Variants in TRDN observed in about 807,000 individuals in gnomAD.
TRDN encodes the protein triadin in skeletal muscle.
In TRDN, 161 loss-of-function variants were observed where a neutral mutation model predicts 149.7. The ratio of observed to expected loss-of-function variants is 1.08; its 90% CI spans 0.95 to 1.23. The LOEUF (loss-of-function observed/expected upper bound fraction) is 1.23, where lower values mean the gene tolerates loss of function less well. Ranked by LOEUF, TRDN falls within the 50% of genes most tolerant of loss-of-function variation. The pLI, the probability that TRDN is intolerant of heterozygous loss-of-function variation, is 0.00. For missense variants in TRDN, 896 were observed against 823.5 expected (o/e 1.09, Z -1.08); for synonymous variants, 294 against 250.5 (o/e 1.17, Z -1.64).
intron 12 of TRDN, among the ~76,000 whole-genome samples, chr6:123,433,360 C>G (rs1449252590): frequency 1.3e-5 from 2 of 151,838 alleles, no homozygotes; most frequent in Non-Finnish European, 2.9e-5. Flanking sequence ...TGCCCTTACT[C>G]AGAGTTGAAC....
chr6:123,267,826 G>A (rs1266869230), intron 31 of TRDN, 75 bp from the exon 32 acceptor site: 4 of 1,187,122 alleles, frequency 3.4e-6, no homozygotes, highest in South Asian at 3.3e-5. Context: ...ATATTTGCAA[G>A]TGATCCTCAG....
intron 21 of TRDN, 155 bp downstream of exon 21, chr6:123,352,384 A>T: frequency 7.3e-7 from 1 of 1,376,860 alleles, no homozygotes. Flanking sequence ...TTGCTGTCTC[A>T]CATTCTCCCT....
chr6:123,402,751 C>T lies in TRDN; in HGVS notation c.1052-9074G>A, dbSNP rs577186574. On this transcript the variant is annotated intron_variant, in intron 12 of 40. Coordinates refer to ENST00000334268, the MANE Select transcript of TRDN (RefSeq NM_006073.4). ...GAATACTCTGTGTAAGGTGATAATA[C>T]CTTAGACTAAGCAAATGTTAATGGA... Among the ~76,000 whole-genome samples, 4 of 151,944 alleles carry T rather than the reference C, an allele frequency of 2.6e-5. No individual in the cohort carries two copies. The East Asian group carries it at 7.8e-4, about 29-fold the overall frequency.
intron 38 of TRDN, among the ~76,000 whole-genome samples, chr6:123,231,272 A>G (rs968028247): frequency 1.3e-5 from 2 of 152,086 alleles, no homozygotes; most frequent in Non-Finnish European, 2.9e-5. Context: ...ACTCTGAAGT[A>G]TGAGATAGTA....
At chr6:123,507,742 T>C (rs928577880) in intron 7 of TRDN, among the ~76,000 whole-genome samples, 2 of 152,176 alleles carry the variant, frequency 1.3e-5, no homozygotes, top group Non-Finnish European at 2.9e-5. Flanking sequence ...ATGACTTTTG[T>C]CAAATGGAAA....
chr6:123,623,738 C>T (rs1785512387), intron 1 of TRDN, among the ~76,000 whole-genome samples: 1 of 152,136 alleles, frequency 6.6e-6, no homozygotes, highest in African/African-American at 2.4e-5. Context: ...AATTTAGAAA[C>T]ATTCTTCAAA....
chr6:123,556,502 T>A, intron 2 of TRDN, among the ~76,000 whole-genome samples: 1 of 152,176 alleles, frequency 6.6e-6, no homozygotes, highest in East Asian at 1.9e-4. Context: ...CTTGGAGGAT[T>A]GATTTTACAA....
intron 2 of TRDN, among the ~76,000 whole-genome samples, chr6:123,564,333 A>T (rs1782165937): frequency 6.6e-6 from 1 of 152,338 alleles, no homozygotes; most frequent in South Asian, 2.1e-4. Flanking sequence ...ATGAGAGTTG[A>T]TAGAGTCCTA....
intron 1 of TRDN, among the ~76,000 whole-genome samples, chr6:123,629,965 C>T (rs1394025047): frequency 2.6e-5 from 4 of 152,020 alleles, no homozygotes; most frequent in Non-Finnish European, 5.9e-5. Context: ...ATTTACATGA[C>T]AATCAAATAA....
chr6:123,284,006 A>ATATATATATATATATATATAGATATATAT (rs1427267027), intron 24 of TRDN, among the ~76,000 whole-genome samples: 1 of 119,528 alleles, frequency 8.4e-6, no homozygotes, highest in Non-Finnish European at 1.7e-5. Flanking sequence ...ATATATATGT[A>ATATATATATATATATATATAGATATATAT]ACAAACCTGC....
chr6:123,390,895 G>C (rs1367141839), intron 13 of TRDN, among the ~76,000 whole-genome samples: 2 of 151,988 alleles, frequency 1.3e-5, no homozygotes, highest in African/African-American at 4.8e-5. Flanking sequence ...ATAGTATCCA[G>C]GAGATTCTTA....
chr6:123,441,163 A>C (rs1037697399), intron 10 of TRDN: 8 of 152,296 alleles, frequency 5.3e-5, no homozygotes, highest in African/African-American at 1.9e-4. Context: ...TAGCAATGGA[A>C]TTAAATTTTT....
chr6:123,572,713 A>G (rs1477860112), intron 1 of TRDN, among the ~76,000 whole-genome samples: 1 of 152,150 alleles, frequency 6.6e-6, no homozygotes, highest in African/African-American at 2.4e-5. Flanking sequence ...AAAGTTAAAA[A>G]ACATTTTTGT....
chr6:123,378,252 C>A (rs192443803), intron 16 of TRDN, among the ~76,000 whole-genome samples: 244 of 152,128 alleles, frequency 1.6e-3, no homozygotes, highest in African/African-American at 5.6e-3. Flanking sequence ...ATAGTAAGTA[C>A]AAAAGATAAT....
intron 5 of TRDN, among the ~76,000 whole-genome samples, chr6:123,518,431 T>C (rs1779515380): frequency 6.6e-6 from 1 of 152,150 alleles, no homozygotes; most frequent in South Asian, 2.1e-4. Flanking sequence ...ACCAAGTTTG[T>C]GTGAGATAAG....
rs146050597 is a variant in TRDN, at chr6:123,277,514, G to T, written c.1567+804C>A. ...TAAGATGTGGTCATGGGGCAGTAGGGTGGGTATTTAATCCAATATGACTGG... is the reference window on the plus strand; with the variant it reads ...TAAGATGTGGTCATGGGGCAGTAGGTTGGGTATTTAATCCAATATGACTGG... On this transcript the variant is annotated intron_variant, in intron 26 of 40. Coordinates refer to ENST00000334268, the MANE Select transcript of TRDN (RefSeq NM_006073.4). Among the ~76,000 whole-genome samples, 361 of 152,274 alleles carry T rather than the reference G, an allele frequency of 2.4e-3. 1 individual carries two copies. The highest frequency in any genetic ancestry group is 3.8e-3 in the Non-Finnish European group (258 of 68,022).
intron 12 of TRDN, among the ~76,000 whole-genome samples, chr6:123,429,880 A>G (rs1226995895): frequency 6.6e-6 from 1 of 152,210 alleles, no homozygotes; most frequent in Non-Finnish European, 1.5e-5. Flanking sequence ...TTGATATATC[A>G]ATGCGTACAG....
At chr6:123,636,001 CAG>C (rs1401884278) in intron 1 of TRDN, among the ~76,000 whole-genome samples, 11 of 151,690 alleles carry the variant, frequency 7.3e-5, no homozygotes, top group Non-Finnish European at 1.5e-4. Context: ...AGCATTGAAA[CAG>C]AAAATATTTA....
At chr6:123,347,102 A>G (rs1780283016) in intron 21 of TRDN, among the ~76,000 whole-genome samples, 1 of 152,090 alleles carries the variant, frequency 6.6e-6, no homozygotes, top group Admixed American at 6.6e-5. Flanking sequence ...GAGGCTTGGT[A>G]GCAAAAGGAA....
Sources: gnomAD v4.1 joint callset for allele counts (sites outside exome capture counted in the v4.1 genomes callset) on GRCh38, gnomAD v4.1.1 for gene constraint, MANE v1.5 for transcripts, NCBI Gene and HGNC (gene_info 2026-07-23, HGNC 2026-07-21) for gene names.